Variants in HIC1 observed in about 807,000 individuals in gnomAD.
The protein encoded by HIC1 is HIC ZBTB transcriptional repressor 1.
HIC1 carries 9 observed loss-of-function variants against 26.4 expected under a neutral mutation model. That is an observed-to-expected ratio of 0.34 (90% CI 0.21 to 0.59). The LOEUF (loss-of-function observed/expected upper bound fraction) is 0.59. Ranked by LOEUF, HIC1 falls within the 20% of genes least tolerant of loss-of-function variation. The pLI, the probability that HIC1 is intolerant of heterozygous loss-of-function variation, is 0.82. For synonymous variants in HIC1, 631 were observed against 523.1 expected (o/e 1.21, Z -2.81); for missense variants, 965 against 1,075.7 (o/e 0.90, Z 1.44).
Position 2,061,727 on chromosome 17 carries a change from T to G in HIC1, c.*2892T>G. ...TGGTCCTGGGGAGGGGGTGCCACGC[T>G]AGCCGTGTCTTGGCTCTTCTACCAG... On this transcript the variant is annotated 3_prime_UTR_variant, in exon 2 of 2. Coordinates refer to ENST00000619757, the MANE Select transcript of HIC1 (RefSeq NM_006497.4). 1 of 1,300,460 alleles carries G rather than the reference T, an allele frequency of 7.7e-7. No individual in the cohort carries two copies. The allele number at this position is 1,300,460 out of a possible 1,614,324, so 80.6% of individuals were successfully genotyped here.
In HIC1 at chr17:2,057,632, G is replaced by A. The variant is rs1342552565; in HGVS notation, c.942G>A (p.Lys314=). The A allele has an allele frequency of 6.6e-7, 1 of 1,515,602 alleles. No individual in the cohort carries two copies. The highest frequency in any genetic ancestry group is 2.0e-5 in the Admixed American group (1 of 49,910). 93.9% of individuals were successfully genotyped at this position (1,515,602 alleles called of 1,614,324 possible). Residue 314 remains lysine (K), a synonymous_variant, in exon 2 of 2, where the codon AAG becomes AAA. Coordinates refer to ENST00000619757, the MANE Select transcript of HIC1 (RefSeq NM_006497.4). ...DGPSLLYRWM[K]HEPGLGSYGD... ...CTAGTCTCCTCTATCGCTGGATGAA[G>A]CACGAGCCGGGCCTGGGTAGCTATG... is the stretch of plus-strand genomic sequence containing the variant.
intron 1 of HIC1, among the ~76,000 whole-genome samples, chr17:2,056,017 TC>T (rs898809977): frequency 0.018 from 123 of 6,822 alleles, 1 homozygote; most frequent in African/African-American, 0.06. Flanking sequence ...GGCTCCCCCC[TC>T]CCCCCCACCT....
rs960556772 is a variant in HIC1 at position 2,055,444 on chromosome 17, G to C, written c.-21+206G>C. Among the ~76,000 whole-genome samples the C allele has an allele frequency of 1.5e-4, 23 of 152,068 alleles. No individual in the cohort carries two copies. The highest frequency in any genetic ancestry group is 2.5e-4 in the Non-Finnish European group (17 of 67,970). ...GGGTTCACGGCGGGGTCAGCGGCCC[G>C]GGGCCGGCTCTGCCCGCACATGGGC... On this transcript the variant is annotated intron_variant, in intron 1 of 1. Coordinates refer to ENST00000619757, the MANE Select transcript of HIC1 (RefSeq NM_006497.4). The surrounding 1 kb of genome is among the most constrained non-coding windows in gnomAD (Gnocchi z 6.4).
At chr17:2,056,325 G>A in intron 1 of HIC1, 2 of 1,613,640 alleles carry the variant, frequency 1.2e-6, no homozygotes, top group Non-Finnish European at 1.7e-6. Context: ...TTTTCCTGAA[G>A]CGGACATTTT....
rs945656864 is a variant in HIC1, at chr17:2,057,719, C to T, written c.1029C>T (p.Asp343=). The change falls in exon 2 of 2, where the codon GAC becomes GAT. Residue 343 remains aspartate (D), a synonymous_variant. Coordinates refer to ENST00000619757, the MANE Select transcript of HIC1 (RefSeq NM_006497.4). Reference sequence around the variant, plus strand: ...AGCGCTGCGAAGAGCGTGGTGGGGACGCGGCCGTCTCGCCCGGGGGGCCCC... The same window carrying T: ...AGCGCTGCGAAGAGCGTGGTGGGGATGCGGCCGTCTCGCCCGGGGGGCCCC... ...PSERCEERGG[D]AAVSPGGPPL... is the part of the protein sequence containing the mutation. 7 of 1,440,880 alleles carry T rather than the reference C, an allele frequency of 4.9e-6. No homozygotes were observed. The highest frequency in any genetic ancestry group is 2.0e-4 in the Middle Eastern group (1 of 5,074). The allele number at this position is 1,440,880 out of a possible 1,614,324, so 89.3% of individuals were successfully genotyped here. A position where few individuals can be genotyped will look rare whatever the true frequency, so the allele number is the denominator to read the frequency against.
chr17:2,062,954 G>A lies in HIC1; in HGVS notation c.*4119G>A, dbSNP rs1402984902. The stretch of plus-strand genomic sequence containing the variant: ...GGGAGGCAAGGGGCTGTGGGCAGAG[G>A]GGAAAGGAAGGTGGCCTCGGGTGAG... On this transcript the variant is annotated 3_prime_UTR_variant, in exon 2 of 2. Transcript: ENST00000619757. The A allele has an allele frequency of 1.3e-5, 2 of 152,690 alleles. No individual in the cohort carries two copies. The highest frequency in any genetic ancestry group is 2.9e-5 in the Non-Finnish European group (2 of 68,368). The allele number at this position is 152,690 out of a possible 1,614,324, so 9.5% of individuals were successfully genotyped here. A position where few individuals can be genotyped will look rare whatever the true frequency, so the allele number is the denominator to read the frequency against.
rs2067677786 is a variant in HIC1 at position 2,056,975 on chromosome 17, G to A, written c.285G>A (p.Ala95=). ...GRLADGAEAA[A]AAAVAPGAEP... ...TGGCTGACGGCGCAGAGGCGGCTGC[G>A]GCCGCGGCCGTGGCCCCGGGGGCTG... Residue 95 remains alanine (A), a synonymous_variant, in exon 2 of 2, where the codon GCG becomes GCA. Coordinates refer to ENST00000619757, the MANE Select transcript of HIC1 (RefSeq NM_006497.4). 2 of 1,576,482 alleles carry A rather than the reference G, an allele frequency of 1.3e-6. No homozygotes were observed. Among genetic ancestry groups the A allele is most frequent in the Admixed American group, 1.8e-5 (1 of 54,608 alleles).
rs1377683435 is a variant in HIC1, at chr17:2,060,941, G to C, written c.*2106G>C. On this transcript the variant is annotated 3_prime_UTR_variant, in exon 2 of 2. Coordinates refer to ENST00000619757, the MANE Select transcript of HIC1 (RefSeq NM_006497.4). ...GCTGCTGTTAGGGACATGCTGTCTA[G>C]AAGCCGACTTGGGTTCATGGGCGAG... The C allele has an allele frequency of 2.0e-5, 3 of 153,844 alleles. No homozygotes were observed. The highest frequency in any genetic ancestry group is 7.2e-5 in the African/African-American group (3 of 41,450). 9.5% of individuals were successfully genotyped at this position (153,844 alleles called of 1,614,324 possible).
At position 2,057,168 on chromosome 17, in the gene HIC1, C is replaced by A; in HGVS notation, c.478C>A (p.Arg160=). Residue 160 remains arginine, a synonymous_variant, in exon 2 of 2, where the codon CGG becomes AGG. Transcript: ENST00000619757. ...CTATGGTCGGCCGGGCCGGGGCCTGCGGGCCGCCACGCCGGTCATCCAGGC... is the reference window on the plus strand; with the variant it reads ...CTATGGTCGGCCGGGCCGGGGCCTGAGGGCCGCCACGCCGGTCATCCAGGC... ...APYGRPGRGL[R]AATPVIQACY... 7.6e-7 allele frequency: 1 copy of A among 1,324,094 alleles called. No individual in the cohort carries two copies. The allele number at this position is 1,324,094 out of a possible 1,614,324, so 82.0% of individuals were successfully genotyped here. A position where few individuals can be genotyped will look rare whatever the true frequency, so the allele number is the denominator to read the frequency against.
Position 2,057,674 on chromosome 17 carries a change from G to C in HIC1, c.984G>C (p.Arg328=). The C allele has an allele frequency of 1.3e-6, 2 of 1,505,810 alleles. No homozygotes were observed. The highest frequency in any genetic ancestry group is 1.8e-6 in the Non-Finnish European group (2 of 1,134,656). 93.3% of individuals were successfully genotyped at this position (1,505,810 alleles called of 1,614,324 possible). The change falls in exon 2 of 2, where the codon CGG becomes CGC. Residue 328 remains arginine, a synonymous_variant. Coordinates refer to ENST00000619757, the MANE Select transcript of HIC1 (RefSeq NM_006497.4). ...GLGSYGDELG[R]ERGSPSERCE... is the part of the protein sequence containing the mutation. ...GTAGCTATGGCGACGAGCTGGGCCG[G>C]GAGCGCGGCTCCCCCAGCGAGCGCT...
In HIC1 at chr17:2,055,624, C is replaced by T. The variant is rs2151367564; in HGVS notation, c.-21+386C>T. 6.7e-6 allele frequency among the ~76,000 whole-genome samples: 1 copy of T among 149,560 alleles called. No homozygotes were observed. The highest frequency in any genetic ancestry group is 2.0e-4 in the East Asian group (1 of 4,944). On this transcript the variant is annotated intron_variant, in intron 1 of 1. Coordinates refer to ENST00000619757, the MANE Select transcript of HIC1 (RefSeq NM_006497.4). This position sits in a 1 kb window ranked among gnomAD's most constrained non-coding sequence, Gnocchi z 6.4. ...AGGGGAGCCCGGCCCGCCGGGACCG[C>T]AGGTAACGGGCCGCGGGGCCCCGCG...
intron 1 of HIC1, chr17:2,056,274 C>G: frequency 6.3e-7 from 1 of 1,596,638 alleles, no homozygotes; most frequent in Non-Finnish European, 8.6e-7. Flanking sequence ...TCCTCGGCTC[C>G]CTTTCTCCCT....
At position 2,058,462 on chromosome 17, in the gene HIC1, T is replaced by G. The variant is rs769279920; in HGVS notation, c.1772T>G (p.Met591Arg). Residue 591 changes from methionine (M) to arginine (R), a missense_variant, in exon 2 of 2, where the codon ATG (methionine) becomes AGG (arginine). Coordinates refer to ENST00000619757, the MANE Select transcript of HIC1 (RefSeq NM_006497.4). ...CAGCAACGCAACCTCATCAGCCACA[T>G]GAAGATGCACGCCGTGGGGGGCGCG... ...FAQQRNLISH[M>R]KMHAVGGAAG... 1 of 1,569,112 alleles carries G rather than the reference T, an allele frequency of 6.4e-7. No homozygotes were observed. The highest frequency in any genetic ancestry group is 8.6e-7 in the Non-Finnish European group (1 of 1,161,674).
At chr17:2,056,517 C>T (rs2067673985) in intron 1 of HIC1, 154 bp from the exon 2 acceptor site, 3 of 1,345,054 alleles carry the variant, frequency 2.2e-6, no homozygotes, top group African/African-American at 1.5e-5. Context: ...GCTCCCACTC[C>T]AGAGGGCAGC....
Position 2,058,975 on chromosome 17 carries a change from C to T in HIC1, c.*140C>T. ...CAGTGGCGGCTCCACCTCTCGGCGG[C>T]CTCACCTGGCCTCACTGCTTCGTGC... On this transcript the variant is annotated 3_prime_UTR_variant, in exon 2 of 2. Transcript: ENST00000619757. 2.9e-6 allele frequency: 2 copies of T among 688,662 alleles called. No individual in the cohort carries two copies. The highest frequency in any genetic ancestry group is 4.5e-6 in the Non-Finnish European group (2 of 448,318). The allele number at this position is 688,662 out of a possible 1,614,324, so 42.7% of individuals were successfully genotyped here. A position where few individuals can be genotyped will look rare whatever the true frequency, so the allele number is the denominator to read the frequency against.
chr17:2,058,418 G>A lies in HIC1; in HGVS notation c.1728G>A (p.Val576=), dbSNP rs1384591845. Residue 576 remains valine (V), a synonymous_variant, in exon 2 of 2, where the codon GTG becomes GTA. Transcript: ENST00000619757. Reference sequence around the variant, plus strand: ...GCGAGAAGCCCTACGAGTGCCAGGTGTGCGGCGGCAAGTTCGCACAGCAAC... The same window carrying A: ...GCGAGAAGCCCTACGAGTGCCAGGTATGCGGCGGCAAGTTCGCACAGCAAC... ...HSGEKPYECQ[V]CGGKFAQQRN... 1.2e-6 allele frequency: 2 copies of A among 1,607,778 alleles called. No homozygotes were observed. The highest frequency in any genetic ancestry group is 1.1e-5 in the South Asian group (1 of 90,572).
In HIC1 at chr17:2,058,228, C is replaced by G. The variant is rs1398267371; in HGVS notation, c.1538C>G (p.Thr513Ser). ...CAGCACGAGAAGACGCACTGGCTGA[C>G]CCGGCCCTACCCATGCACCATCTGC... ...LRQHEKTHWL[T>S]RPYPCTICGK... The change falls in exon 2 of 2, where the codon ACC (threonine) becomes AGC (serine). Residue 513 changes from threonine to serine, a missense_variant. Physicochemically the swap from Thr to Ser is moderately conservative, Grantham distance 58 (BLOSUM62 1). Around this residue, in one of 6 missense-constraint regions of HIC1, gnomAD observed 105 missense variants for 101.4 expected, o/e 1.04. Transcript: ENST00000619757. The G allele has an allele frequency of 6.2e-7, 1 of 1,611,772 alleles. No homozygotes were observed. The highest frequency in any genetic ancestry group is 2.2e-5 in the East Asian group (1 of 44,868).
In HIC1 at chr17:2,062,248, G is replaced by A. The variant is rs12451211; in HGVS notation, c.*3413G>A. ...GTAACAGTAATCCATGTATACAGGC[G>A]AAAGTCTCTAAGAGGACAGAAGAGT... On this transcript the variant is annotated 3_prime_UTR_variant, in exon 2 of 2. Coordinates refer to ENST00000619757, the MANE Select transcript of HIC1 (RefSeq NM_006497.4). 0.76 allele frequency: 115,650 copies of A among 152,330 alleles called. 44,028 individuals carry two copies. The highest frequency in any genetic ancestry group is 0.94 in the East Asian group (4,851 of 5,184). The allele number at this position is 152,330 out of a possible 1,614,324, so 9.4% of individuals were successfully genotyped here.
chr17:2,058,759 C>T lies in HIC1; in HGVS notation c.2069C>T (p.Ala690Val). 5 of 1,524,648 alleles carry T rather than the reference C, an allele frequency of 3.3e-6. No individual in the cohort carries two copies. Among genetic ancestry groups the T allele is most frequent in the Non-Finnish European group, 3.5e-6 (4 of 1,140,630 alleles). 94.4% of individuals were successfully genotyped at this position (1,524,648 alleles called of 1,614,324 possible). ...AELGLSPDKAAEVLSQGAHLA... is the reference protein window; with the variant it reads ...AELGLSPDKAVEVLSQGAHLA... The stretch of plus-strand genomic sequence containing the variant: ...CTGGGCCTCAGCCCCGACAAGGCGG[C>T]CGAGGTGCTGAGCCAGGGCGCTCAC... The change falls in exon 2 of 2, where the codon GCC becomes GTC. Residue 690 changes from alanine to valine, a missense_variant. Around this residue, in one of 6 missense-constraint regions of HIC1, gnomAD observed 210 missense variants for 179.2 expected, o/e 1.17. Coordinates refer to ENST00000619757, the MANE Select transcript of HIC1 (RefSeq NM_006497.4).
Sources: gnomAD v4.1 joint callset for allele counts (sites outside exome capture counted in the v4.1 genomes callset) on GRCh38, gnomAD v4.1.1 for gene constraint, gnomAD v4.1.1 regional missense constraint, Gnocchi (gnomAD v3.1) non-coding constraint, MANE v1.5 for transcripts, NCBI Gene and HGNC (gene_info 2026-07-23, HGNC 2026-07-21) for gene names.